Variants in OR9Q1 observed in about 807,000 individuals in gnomAD.
OR9Q1 encodes the protein olfactory receptor 9Q1.
For synonymous variants in OR9Q1, 153 were observed against 148.6 expected (o/e 1.03, Z -0.22); for missense variants, 374 against 378.8 (o/e 0.99, Z 0.11).
intron 2 of OR9Q1, chr11:58,108,952 G>T (rs1288366831): frequency 2.5e-6 from 1 of 392,316 alleles, no homozygotes; most frequent in South Asian, 1.9e-5. Context: ...GGTGGAGAAG[G>T]TCTTGGCTTA....
intron 2 of OR9Q1, chr11:58,118,423 A>G: frequency 3.2e-6 from 3 of 924,234 alleles, no homozygotes; most frequent in Non-Finnish European, 5.0e-6. Context: ...TATAGGTTGC[A>G]TATAGTAATG....
chr11:58,173,677 C>A lies in OR9Q1; in HGVS notation c.-14-5754C>A, dbSNP rs147482200. Among the ~76,000 whole-genome samples, 890 of 152,146 alleles carry A rather than the reference C, an allele frequency of 5.8e-3. 30 individuals are homozygous for A. Among genetic ancestry groups the A allele is most frequent in the Admixed American group, 0.051 (784 of 15,268 alleles). Reference sequence around the variant, plus strand: ...CCCCCTCAGCCAAAGGAGCAGATTCCTAACAAGTCATATTTTCTATCCCAG... The same window carrying A: ...CCCCCTCAGCCAAAGGAGCAGATTCATAACAAGTCATATTTTCTATCCCAG... On this transcript the variant is annotated intron_variant, in intron 2 of 2. Coordinates refer to ENST00000335397, the MANE Select transcript of OR9Q1 (RefSeq NM_001005212.4).
chr11:58,102,892 G>A (rs1853798431), intron 2 of OR9Q1, among the ~76,000 whole-genome samples: 1 of 151,946 alleles, frequency 6.6e-6, no homozygotes, highest in African/African-American at 2.4e-5. Flanking sequence ...AGCATCCATA[G>A]CATGTATATT....
intron 2 of OR9Q1, chr11:58,118,358 G>A (rs753926360): frequency 1.6e-6 from 1 of 615,860 alleles, no homozygotes; most frequent in Non-Finnish European, 2.8e-6. Context: ...CACCACAATT[G>A]TAGTTTTTCC....
intron 2 of OR9Q1, among the ~76,000 whole-genome samples, chr11:58,092,707 A>T (rs1022564559): frequency 1.3e-5 from 2 of 152,182 alleles, no homozygotes; most frequent in African/African-American, 4.8e-5. Flanking sequence ...TTGCAAGATC[A>T]GTTTTCAATA....
At chr11:58,160,081 A>G (rs550782749) in intron 2 of OR9Q1, among the ~76,000 whole-genome samples, 11 of 152,326 alleles carry the variant, frequency 7.2e-5, no homozygotes, top group Admixed American at 2.6e-4. Flanking sequence ...CTCAGCCACC[A>G]TTTTGTGAGG....
chr11:58,139,065 G>A (rs908049177), intron 2 of OR9Q1, among the ~76,000 whole-genome samples: 6 of 152,076 alleles, frequency 3.9e-5, no homozygotes, highest in Admixed American at 3.9e-4. Flanking sequence ...GAGGAGGAAG[G>A]AAGAAAGGAA....
intron 2 of OR9Q1, among the ~76,000 whole-genome samples, chr11:58,065,373 C>T (rs954076095): frequency 6.9e-6 from 1 of 144,596 alleles, no homozygotes; most frequent in Non-Finnish European, 1.5e-5. Flanking sequence ...AAAAGACACA[C>T]AGCACATGCC....
intron 2 of OR9Q1, among the ~76,000 whole-genome samples, chr11:58,128,003 T>G (rs1011189396): frequency 1.3e-5 from 2 of 152,110 alleles, no homozygotes; most frequent in African/African-American, 2.4e-5. Context: ...TTCTACCATT[T>G]AAATTGAAAA....
At chr11:58,171,388 T>C (rs1324714526) in intron 2 of OR9Q1, 2 of 152,300 alleles carry the variant, frequency 1.3e-5, no homozygotes, top group African/African-American at 4.8e-5. Context: ...TTTTTCACTT[T>C]GCTCTGTATA....
chr11:58,152,403 A>G (rs1292363159), intron 2 of OR9Q1, among the ~76,000 whole-genome samples: 1 of 152,212 alleles, frequency 6.6e-6, no homozygotes, highest in East Asian at 1.9e-4. Flanking sequence ...TGGATACCCT[A>G]TGATCTGACA....
chr11:58,032,146 T>G (rs759663916), intron 1 of OR9Q1, among the ~76,000 whole-genome samples: 4 of 152,092 alleles, frequency 2.6e-5, no homozygotes, highest in African/African-American at 9.7e-5. Context: ...TGCTCACAGA[T>G]TGGAAGAATC....
intron 1 of OR9Q1, among the ~76,000 whole-genome samples, chr11:58,050,293 G>A (rs1208864845): frequency 9.0e-5 from 13 of 144,182 alleles, no homozygotes; most frequent in East Asian, 8.1e-4. Flanking sequence ...AAATAATGCC[G>A]CATATCTACA....
intron 1 of OR9Q1, among the ~76,000 whole-genome samples, chr11:58,048,260 GT>G (rs1853239329): frequency 6.6e-6 from 1 of 152,172 alleles, no homozygotes; most frequent in Non-Finnish European, 1.5e-5. Flanking sequence ...ATAAAAAAAT[GT>G]GTTTTGACTA....
intron 2 of OR9Q1, among the ~76,000 whole-genome samples, chr11:58,140,851 G>A (rs1396623099): frequency 1.3e-5 from 2 of 152,180 alleles, no homozygotes; most frequent in East Asian, 1.9e-4. Context: ...GATGGGGATG[G>A]CATTGAATCT....
At chr11:58,026,206 C>A (rs1409676490) in intron 1 of OR9Q1, among the ~76,000 whole-genome samples, 2 of 152,184 alleles carry the variant, frequency 1.3e-5, no homozygotes, top group African/African-American at 4.8e-5. Flanking sequence ...TCAGGGTCTC[C>A]TTGATGAATG....
At chr11:58,174,707 T>C (rs1256561778) in intron 2 of OR9Q1, among the ~76,000 whole-genome samples, 1 of 150,822 alleles carries the variant, frequency 6.6e-6, no homozygotes, top group Admixed American at 6.7e-5. Flanking sequence ...TTTTTCTCTA[T>C]TAGAGAAAAT....
chr11:58,061,559 G>T (rs1020739533), intron 2 of OR9Q1, among the ~76,000 whole-genome samples: 3 of 152,208 alleles, frequency 2.0e-5, no homozygotes, highest in Non-Finnish European at 1.5e-5. Context: ...ATCCAGGTTT[G>T]CTGACTGTCA....
intron 2 of OR9Q1, chr11:58,073,743 T>A (rs2120025269): frequency 6.6e-6 from 1 of 152,328 alleles, no homozygotes. Flanking sequence ...CACCAACCTG[T>A]CATCTAGATT....
Sources: gnomAD v4.1 joint callset for allele counts (sites outside exome capture counted in the v4.1 genomes callset) on GRCh38, gnomAD v4.1.1 for gene constraint, MANE v1.5 for transcripts, NCBI Gene and HGNC (gene_info 2026-07-23, HGNC 2026-07-21) for gene names.